TMEM132C: variants seen among roughly 807,000 people sequenced by gnomAD.
The protein encoded by TMEM132C is transmembrane protein 132C.
Under a neutral mutation model 61.4 loss-of-function variants are expected in TMEM132C, and 29 were observed. That is an observed-to-expected ratio of 0.47 (90% confidence interval 0.35 to 0.64). The LOEUF (loss-of-function observed/expected upper bound fraction) is 0.64, where lower values mean the gene tolerates loss of function less well. TMEM132C is among the 30% of genes least tolerant of loss of function. The pLI is 0.00. For synonymous variants in TMEM132C, 656 were observed against 633.1 expected (o/e 1.04, Z -0.54); for missense variants, 1,408 against 1,476.9 (o/e 0.95, Z 0.76).
chr12:128,480,006 T>C (rs919724866), intron 2 of TMEM132C, among the ~76,000 whole-genome samples: 5 of 152,122 alleles, frequency 3.3e-5, no homozygotes, highest in African/African-American at 1.2e-4. Flanking sequence ...GCCTGTAATC[T>C]CAGCACTTGG....
chr12:128,637,489 G>A (rs1954113282), intron 4 of TMEM132C, among the ~76,000 whole-genome samples: 1 of 152,270 alleles, frequency 6.6e-6, no homozygotes, highest in South Asian at 2.1e-4. Context: ...GAGACCAGCT[G>A]AGAGGCTGTA....
chr12:128,598,237 C>T (rs781518100), intron 3 of TMEM132C, among the ~76,000 whole-genome samples: 6 of 152,018 alleles, frequency 3.9e-5, no homozygotes, highest in South Asian at 2.1e-4. Flanking sequence ...GCCAACATGG[C>T]GGAACCCCAA....
intron 1 of TMEM132C, among the ~76,000 whole-genome samples, chr12:128,307,964 A>G (rs4882731): frequency 0.13 from 20,528 of 152,190 alleles, 1,495 homozygotes; most frequent in East Asian, 0.32. Flanking sequence ...GGCCTGTCCA[A>G]TGAGCGTGGT....
intron 3 of TMEM132C, among the ~76,000 whole-genome samples, chr12:128,603,256 T>A (rs373208299): frequency 7.9e-4 from 120 of 152,282 alleles, no homozygotes; most frequent in African/African-American, 2.6e-3. Context: ...CAGGCTAGAT[T>A]CAGGCGGGTG....
chr12:128,385,076 G>A (rs905549496), intron 1 of TMEM132C, among the ~76,000 whole-genome samples: 3 of 152,186 alleles, frequency 2.0e-5, no homozygotes, highest in South Asian at 2.1e-4. Context: ...TGGCAACAGC[G>A]TGATGAGAAG....
intron 2 of TMEM132C, among the ~76,000 whole-genome samples, chr12:128,497,047 A>G (rs1871986342): frequency 6.6e-6 from 1 of 152,148 alleles, no homozygotes; most frequent in Non-Finnish European, 1.5e-5. Context: ...TTTTCCTTCT[A>G]ACAGTCAGGA....
At chr12:128,423,181 T>C (rs1338431603) in intron 2 of TMEM132C, among the ~76,000 whole-genome samples, 1 of 152,226 alleles carries the variant, frequency 6.6e-6, no homozygotes, top group Non-Finnish European at 1.5e-5. Flanking sequence ...CAGTCTTTAA[T>C]AGCCCTTGCT....
intron 6 of TMEM132C, among the ~76,000 whole-genome samples, 175 bp downstream of exon 6, chr12:128,694,209 CA>C (rs1334614183): frequency 6.6e-6 from 1 of 152,090 alleles, no homozygotes; most frequent in Non-Finnish European, 1.5e-5. Flanking sequence ...AGGTTTGCCT[CA>C]AACCCAGGTT....
At chr12:128,626,644 C>T (rs941852952) in intron 4 of TMEM132C, among the ~76,000 whole-genome samples, 1 of 151,778 alleles carries the variant, frequency 6.6e-6, no homozygotes, top group Non-Finnish European at 1.5e-5. Flanking sequence ...AAGGTTTCAC[C>T]GTGTTGGCCA....
chr12:128,330,384 A>G (rs1228379394), intron 1 of TMEM132C, among the ~76,000 whole-genome samples: 1 of 152,078 alleles, frequency 6.6e-6, no homozygotes, highest in Non-Finnish European at 1.5e-5. Flanking sequence ...TACAAGCAAC[A>G]TTTTTTAAAA....
At chr12:128,366,009 G>A (rs1873856398) in intron 1 of TMEM132C, among the ~76,000 whole-genome samples, 2 of 152,328 alleles carry the variant, frequency 1.3e-5, no homozygotes, top group Admixed American at 1.3e-4. Context: ...TGGATCCGCG[G>A]GCCGTGATTA....
At chr12:128,411,199 T>C (rs1868525237) in intron 1 of TMEM132C, among the ~76,000 whole-genome samples, 1 of 152,150 alleles carries the variant, frequency 6.6e-6, no homozygotes, top group South Asian at 2.1e-4. Context: ...AACCTACCTG[T>C]GTGTCCTTTG....
intron 3 of TMEM132C, among the ~76,000 whole-genome samples, chr12:128,557,478 C>T (rs1167888709): frequency 6.6e-6 from 1 of 152,188 alleles, no homozygotes; most frequent in Non-Finnish European, 1.5e-5. Context: ...AAAGCAGGTG[C>T]ATTTCAGAAC....
At chr12:128,701,654 C>T (rs938217893) in intron 8 of TMEM132C, among the ~76,000 whole-genome samples, 1 of 152,142 alleles carries the variant, frequency 6.6e-6, no homozygotes, top group Admixed American at 6.5e-5. Flanking sequence ...TGGACATTCT[C>T]ATTCTCTCCT....
At chr12:128,458,921 G>C (rs1194398826) in intron 2 of TMEM132C, among the ~76,000 whole-genome samples, 2 of 152,244 alleles carry the variant, frequency 1.3e-5, no homozygotes, top group East Asian at 3.8e-4. Flanking sequence ...GGGGAATGTA[G>C]TTTTTCGTTG....
chr12:128,521,300 T>C, intron 2 of TMEM132C, among the ~76,000 whole-genome samples: 1 of 88,686 alleles, frequency 1.1e-5, no homozygotes, highest in East Asian at 4.2e-4. Flanking sequence ...TGCTTCTGTA[T>C]ATATGTGTAT....
At chr12:128,645,229 C>T (rs932464613) in intron 4 of TMEM132C, among the ~76,000 whole-genome samples, 9 of 152,296 alleles carry the variant, frequency 5.9e-5, no homozygotes, top group Non-Finnish European at 8.8e-5. Context: ...AGAACCAGTA[C>T]GGCCTCTCTC....
chr12:128,674,658 G>A (rs537572968), intron 5 of TMEM132C, among the ~76,000 whole-genome samples: 2 of 152,300 alleles, frequency 1.3e-5, no homozygotes, highest in East Asian at 3.9e-4. Context: ...TGGCAACACT[G>A]TGGGGTGCCC....
chr12:128,394,309 A>C (rs2136003216), intron 1 of TMEM132C, among the ~76,000 whole-genome samples: 1 of 152,260 alleles, frequency 6.6e-6, no homozygotes, highest in Non-Finnish European at 1.5e-5. Context: ...CAGCCAAACC[A>C]CATCAGACAG....
Sources: allele counts gnomAD v4.1 joint callset (sites outside exome capture counted in the v4.1 genomes callset), GRCh38; gene constraint gnomAD v4.1.1; transcripts MANE v1.5; gene names NCBI Gene and HGNC (gene_info 2026-07-23, HGNC 2026-07-21).